Variants in JAG2 observed in about 807,000 individuals in gnomAD.
The protein encoded by JAG2 is protein jagged-2.
A neutral mutation model predicts 141.7 loss-of-function variants in JAG2; 46 were observed. The observed-to-expected ratio is 0.32, with a 90% confidence interval of 0.26 to 0.42. The LOEUF (loss-of-function observed/expected upper bound fraction) is 0.42, where lower values mean the gene tolerates loss of function less well. Among genes scored for constraint, JAG2 ranks in the 10% least tolerant of loss-of-function variants. The probability of loss-of-function intolerance (pLI) is 1.00; values close to 1 mark genes in which losing one functional copy is unlikely to be tolerated. For synonymous variants in JAG2, 862 were observed against 763.5 expected, an observed-to-expected ratio of 1.13 and a Z score of -2.13; for missense variants, 1,500 against 1,817.5, an observed-to-expected ratio of 0.83 and a Z score of 3.18.
Position 105,167,624 on chromosome 14 carries a change from CG to C in JAG2, c.417+132del, listed in dbSNP as rs1285116112. ...AGTCCCCAGAGCACGCGCCCCCTGC[CG>C]GCCCCGCCCCGCCTGGGCGCGCGCG... On this transcript the variant is annotated intron_variant, in intron 2 of 25. Coordinates refer to ENST00000331782, the MANE Select transcript of JAG2 (RefSeq NM_002226.5). This position sits in a 1 kb window ranked among gnomAD's most constrained non-coding sequence, Gnocchi z 4.8. 3 of 1,068,522 alleles carry C rather than the reference CG, an allele frequency of 2.8e-6. No homozygotes were observed. The highest frequency in any genetic ancestry group is 3.4e-5 in the African/African-American group (2 of 59,264). 66.2% of individuals were successfully genotyped at this position (1,068,522 alleles called of 1,614,324 possible). A position where few individuals can be genotyped will look rare whatever the true frequency, so the allele number is the denominator to read the frequency against.
intron 12 of JAG2, 45 bp from the exon 13 acceptor site, chr14:105,149,365 G>C: frequency 1.2e-6 from 2 of 1,611,400 alleles, no homozygotes; most frequent in South Asian, 2.2e-5. Context: ...CCAGGCCCAG[G>C]CCGGGAACAC....
Position 105,167,363 on chromosome 14 carries a change from C to T in JAG2, c.417+394G>A, listed in dbSNP as rs1888947942. Among the ~76,000 whole-genome samples the T allele has an allele frequency of 6.6e-6, 1 of 152,008 alleles. No individual in the cohort carries two copies. Among genetic ancestry groups the T allele is most frequent in the Non-Finnish European group, 1.5e-5 (1 of 67,940 alleles). ...CAGGCTGGCCACGGGCCCGGGGCGG[C>T]TCAGTCAGGGCCTGCCCTAGACCAG... On this transcript the variant is annotated intron_variant, in intron 2 of 25. Coordinates refer to ENST00000331782, the MANE Select transcript of JAG2 (RefSeq NM_002226.5). The surrounding 1 kb of genome is among the most constrained non-coding windows in gnomAD (Gnocchi z 4.8).
At position 105,145,849 on chromosome 14, in the gene JAG2, G is replaced by T. The variant is rs767708512; in HGVS notation, c.2834C>A (p.Ala945Asp). Residue 945 changes from alanine (A) to aspartate (D), a missense_variant, in exon 23 of 26, where the codon GCC becomes GAC. By Grantham distance (126) the Ala-to-Asp change is moderately radical. Around this residue, in one of 3 missense-constraint regions of JAG2, gnomAD observed 425 missense variants for 441.0 expected, o/e 0.96. Coordinates refer to ENST00000331782, the MANE Select transcript of JAG2 (RefSeq NM_002226.5). ...PGQCLRPPCE[A>D]WGECGAEEPP... ...CTCTTCTGCGCCGCACTCCCCCCAG[G>T]CCTCACAGGGTGGTCGCAGACACTG... The T allele has an allele frequency of 3.2e-6, 5 of 1,561,468 alleles. No individual in the cohort carries two copies. Among genetic ancestry groups the T allele is most frequent in the Non-Finnish European group, 4.3e-6 (5 of 1,153,556 alleles).
Position 105,148,773 on chromosome 14 carries a change from G to A in JAG2, c.1992C>T (p.Ser664=), listed in dbSNP as rs587721157. The change falls in exon 15 of 26, where the codon AGC becomes AGT. Residue 664 remains serine, a synonymous_variant. Coordinates refer to ENST00000331782, the MANE Select transcript of JAG2 (RefSeq NM_002226.5). ...EVDAFRCFCP[S]GWEGELCDTN... is the part of the protein sequence containing the mutation. The stretch of plus-strand genomic sequence containing the variant: ...TGTCGCAGAGCTCGCCCTCCCAGCC[G>A]CTGGGGCAGAAGCAGCGGAAGGCGT... The A allele has an allele frequency of 5.2e-5, 83 of 1,585,494 alleles. No homozygotes were observed. In the East Asian group the frequency reaches 1.6e-3, roughly 31 times the overall value.
In JAG2 at chr14:105,148,924, C is replaced by A; in HGVS notation, c.1906+13G>T. 1 of 1,602,182 alleles carries A rather than the reference C, an allele frequency of 6.2e-7. No individual in the cohort carries two copies. The highest frequency in any genetic ancestry group is 1.1e-5 in the South Asian group (1 of 89,292). ...CCAGCCCCACCACCAGCCCGCCGTT[C>A]GTGGCCACTCACTCTCATGGCAGTA... On this transcript the variant is annotated intron_variant, in intron 14 of 25. Transcript: ENST00000331782.
chr14:105,157,077 G>A (rs894887017), intron 3 of JAG2, among the ~76,000 whole-genome samples: 6 of 152,024 alleles, frequency 3.9e-5, no homozygotes, highest in African/African-American at 1.2e-4. Flanking sequence ...ACCCTGACAC[G>A]CCCAGATTCA....
intron 2 of JAG2, among the ~76,000 whole-genome samples, chr14:105,161,555 G>A (rs997069387): frequency 2.6e-5 from 4 of 152,038 alleles, no homozygotes; most frequent in African/African-American, 4.8e-5. Context: ...CTGCCCGCCC[G>A]CCGAGAGGGC....
chr14:105,145,975 T>TGGGC lies in JAG2; in HGVS notation c.2710-6_2710-3dup. 1 of 1,592,566 alleles carries TGGGC rather than the reference T, an allele frequency of 6.3e-7. No homozygotes were observed. Among genetic ancestry groups the TGGGC allele is most frequent in the Non-Finnish European group, 8.5e-7 (1 of 1,171,962 alleles). On this transcript the variant is annotated splice_polypyrimidine_tract_variant and splice_region_variant and intron_variant, in intron 22 of 25. Transcript: ENST00000331782. ...ACAAGGCTTCCATCCGCACCACACC[T>TGGGC]GGGCAGGCACGCACAGGAGGGTCAG...
intron 5 of JAG2, 63 bp from the exon 6 acceptor site, chr14:105,152,354 A>T: frequency 6.4e-7 from 1 of 1,567,468 alleles, no homozygotes; most frequent in Non-Finnish European, 8.7e-7. Context: ...GTGGCAGGGG[A>T]GCCAGGCACA....
In JAG2 at chr14:105,149,078, A is replaced by G; in HGVS notation, c.1765T>C (p.Cys589Arg). 3 of 1,608,836 alleles carry G rather than the reference A, an allele frequency of 1.9e-6. No homozygotes were observed. Among genetic ancestry groups the G allele is most frequent in the Non-Finnish European group, 2.5e-6 (3 of 1,178,542 alleles). The change falls in exon 14 of 26, where the codon TGC (cysteine) becomes CGC (arginine). Residue 589 changes from cysteine to arginine, a missense_variant. By Grantham distance (180) the Cys-to-Arg change is radical. Around this residue, in one of 3 missense-constraint regions of JAG2, gnomAD observed 875 missense variants for 1,202.2 expected, o/e 0.73. Transcript: ENST00000331782. ...ATCCCAGGCCCCGCGTCTGACCCGC[A>G]GCCATCGATCACTATGGCAGGCAGT... Reference protein sequence around the residue: ...PGGACRVIDGCGSDAGPGMPG... With the variant: ...PGGACRVIDGRGSDAGPGMPG...
At position 105,156,980 on chromosome 14, in the gene JAG2, C is replaced by T. The variant is rs767920413; in HGVS notation, c.475+726G>A. 2.6e-5 allele frequency among the ~76,000 whole-genome samples: 4 copies of T among 152,270 alleles called. 1 individual carries two copies. Among genetic ancestry groups the T allele is most frequent in the Admixed American group, 2.6e-4 (4 of 15,300 alleles). Reference sequence around the variant, plus strand: ...GCTGGCAGCCAGGATGCCCTGGCCCCGCTCTCCCTCCTCCAACCCATTGGC... The same window carrying T: ...GCTGGCAGCCAGGATGCCCTGGCCCTGCTCTCCCTCCTCCAACCCATTGGC... On this transcript the variant is annotated intron_variant, in intron 3 of 25. Transcript: ENST00000331782.
intron 5 of JAG2, 70 bp downstream of exon 5, chr14:105,155,492 G>A (rs1233375268): frequency 3.2e-6 from 5 of 1,556,196 alleles, no homozygotes; most frequent in Middle Eastern, 1.7e-4. Flanking sequence ...CTGACAGCAA[G>A]GCTGTGTGTG....
rs1462704503 is a variant in JAG2 at position 105,167,230 on chromosome 14, A to T, written c.417+527T>A. ...TGTCTCTGAACGATCTTGGGTCACCATCGGGGGCTTCTGCCGACATAAGCG... is the reference window on the plus strand; with the variant it reads ...TGTCTCTGAACGATCTTGGGTCACCTTCGGGGGCTTCTGCCGACATAAGCG... On this transcript the variant is annotated intron_variant, in intron 2 of 25. Transcript: ENST00000331782. This position sits in a 1 kb window ranked among gnomAD's most constrained non-coding sequence, Gnocchi z 4.8. Among the ~76,000 whole-genome samples the T allele has an allele frequency of 6.6e-6, 1 of 152,204 alleles. No homozygotes were observed. The highest frequency in any genetic ancestry group is 1.5e-5 in the Non-Finnish European group (1 of 68,028).
chr14:105,161,491 C>T (rs1888745907), intron 2 of JAG2, among the ~76,000 whole-genome samples: 1 of 152,198 alleles, frequency 6.6e-6, no homozygotes, highest in African/African-American at 2.4e-5. Context: ...AAGATTACTG[C>T]CACCTTCGCC....
At chr14:105,164,882 C>T (rs1334270159) in intron 2 of JAG2, among the ~76,000 whole-genome samples, 4 of 152,166 alleles carry the variant, frequency 2.6e-5, no homozygotes, top group Non-Finnish European at 5.9e-5. Flanking sequence ...CTTCTGATGG[C>T]CCAGGACCTC....
chr14:105,165,357 C>T lies in JAG2; in HGVS notation c.417+2400G>A, dbSNP rs926065578. ...AGCACCCGGGGTGCGTGCACACACG[C>T]AGCTGGGAGAATGTGGCCTCACCCT... On this transcript the variant is annotated intron_variant, in intron 2 of 25. Transcript: ENST00000331782. Among the ~76,000 whole-genome samples the T allele has an allele frequency of 2.0e-5, 3 of 152,250 alleles. No homozygotes were observed. The South Asian group carries it at 6.2e-4, about 32-fold the overall frequency.
intron 24 of JAG2, among the ~76,000 whole-genome samples, chr14:105,143,949 C>G (rs1034248192): frequency 8.2e-6 from 1 of 121,440 alleles, no homozygotes; most frequent in African/African-American, 3.2e-5. Context: ...TCCGGGCGCA[C>G]GGGACAGCCC....
At chr14:105,159,718 AC>A (rs1258641469) in intron 2 of JAG2, among the ~76,000 whole-genome samples, 3 of 15,156 alleles carry the variant, frequency 2.0e-4, no homozygotes, top group South Asian at 2.6e-3. Flanking sequence ...CTCCATCCAC[AC>A]CCCCCCAGAG....
In JAG2 at chr14:105,147,326, T is replaced by G; in HGVS notation, c.2479A>C (p.Asn827His). The change falls in exon 20 of 26, where the codon AAC (asparagine) becomes CAC (histidine). Residue 827 changes from asparagine (N) to histidine (H), a missense_variant and splice_region_variant. Physicochemically the swap from Asn to His is moderately conservative, Grantham distance 68 (BLOSUM62 1). This residue lies in a region of JAG2 where 875 missense variants were observed against 1,202.2 expected (regional missense o/e 0.73). Transcript: ENST00000331782. Reference protein sequence around the residue: ...PGFAGPDCRINIDECQSSPCA... With the variant: ...PGFAGPDCRIHIDECQSSPCA... ...GGGCTGGGGCTGTCTGGCCACTCAC[T>G]GATGCGGCAGTCAGGCCCCGCGAAG... 6.4e-7 allele frequency: 1 copy of G among 1,554,486 alleles called. No homozygotes were observed. Among genetic ancestry groups the G allele is most frequent in the Non-Finnish European group, 8.7e-7 (1 of 1,149,196 alleles).
Sources: gnomAD v4.1 joint callset for allele counts (sites outside exome capture counted in the v4.1 genomes callset) on GRCh38, gnomAD v4.1.1 for gene constraint, gnomAD v4.1.1 regional missense constraint, Gnocchi (gnomAD v3.1) non-coding constraint, MANE v1.5 for transcripts, NCBI Gene and HGNC (gene_info 2026-07-23, HGNC 2026-07-21) for gene names.